DYNC1I1: variants seen among roughly 807,000 people sequenced by gnomAD.
The protein encoded by DYNC1I1 is dynein cytoplasmic 1 intermediate chain 1.
DYNC1I1 carries 43 observed loss-of-function variants against 86.6 expected under a neutral mutation model. The observed-to-expected ratio is 0.50, with a 90% confidence interval of 0.39 to 0.64. The LOEUF (loss-of-function observed/expected upper bound fraction) is 0.64. Ranked by LOEUF, DYNC1I1 falls within the 30% of genes least tolerant of loss-of-function variation. The pLI is 0.00. For missense variants in DYNC1I1, 604 were observed against 788.8 expected (o/e 0.77, Z 2.81); for synonymous variants, 262 against 283.7 (o/e 0.92, Z 0.77).
At chr7:96,105,749 T>G (rs543841788) in intron 16 of DYNC1I1, among the ~76,000 whole-genome samples, 2 of 152,338 alleles carry the variant, frequency 1.3e-5, no homozygotes, top group African/African-American at 4.8e-5. Flanking sequence ...TGATAGAATT[T>G]ACTACTGAAG....
chr7:95,947,606 C>T (rs1301354107), intron 6 of DYNC1I1, among the ~76,000 whole-genome samples: 1 of 152,080 alleles, frequency 6.6e-6, no homozygotes, highest in Non-Finnish European at 1.5e-5. Context: ...CTCACTCCAC[C>T]CATGGGAAAT....
At chr7:95,986,866 T>A (rs1178662393) in intron 8 of DYNC1I1, among the ~76,000 whole-genome samples, 190 bp from the exon 9 acceptor site, 1 of 151,962 alleles carries the variant, frequency 6.6e-6, no homozygotes, top group East Asian at 1.9e-4. Flanking sequence ...CCTTGCCAGG[T>A]CAGGTTAGAA....
intron 6 of DYNC1I1, among the ~76,000 whole-genome samples, chr7:95,894,471 T>C (rs1269316337): frequency 6.6e-6 from 1 of 151,524 alleles, no homozygotes; most frequent in African/African-American, 2.4e-5. Context: ...GGGGGGGACA[T>C]AAACATTTAG....
chr7:95,825,321 A>C (rs1795181661), intron 4 of DYNC1I1, among the ~76,000 whole-genome samples: 1 of 152,202 alleles, frequency 6.6e-6, no homozygotes, highest in Non-Finnish European at 1.5e-5. Flanking sequence ...TGCTGGGAGA[A>C]GTGGAAAAGG....
At chr7:95,804,516 C>A in intron 1 of DYNC1I1, 2 of 856,266 alleles carry the variant, frequency 2.3e-6, no homozygotes, top group Non-Finnish European at 3.3e-6. Context: ...GTATATATAC[C>A]TAAAAGGGAA....
chr7:96,039,010 G>A (rs888249274), intron 13 of DYNC1I1, among the ~76,000 whole-genome samples: 1 of 152,084 alleles, frequency 6.6e-6, no homozygotes, highest in Non-Finnish European at 1.5e-5. Context: ...TCTGCAAAAA[G>A]AATTAAATAA....
chr7:95,899,589 A>C (rs1790980316), intron 6 of DYNC1I1, among the ~76,000 whole-genome samples: 1 of 152,196 alleles, frequency 6.6e-6, no homozygotes, highest in African/African-American at 2.4e-5. Flanking sequence ...ACTCCTTGAA[A>C]AATGGAGATG....
chr7:95,778,392 T>C (rs927520375), intron 1 of DYNC1I1, among the ~76,000 whole-genome samples: 1 of 152,216 alleles, frequency 6.6e-6, no homozygotes, highest in African/African-American at 2.4e-5. Context: ...AAATGCCAGT[T>C]TGAAGATTGC....
intron 5 of DYNC1I1, among the ~76,000 whole-genome samples, chr7:95,834,938 A>G (rs1252690111): frequency 2.6e-4 from 39 of 151,030 alleles, no homozygotes; most frequent in African/African-American, 8.8e-4. Context: ...GGATTCATTA[A>G]TTTTTTGAAG....
intron 1 of DYNC1I1, among the ~76,000 whole-genome samples, chr7:95,784,209 G>T (rs1229560106): frequency 6.6e-6 from 1 of 152,044 alleles, no homozygotes; most frequent in Non-Finnish European, 1.5e-5. Flanking sequence ...GATAGATCTG[G>T]TAATTCAGGT....
chr7:95,934,859 A>G (rs1584174866), intron 6 of DYNC1I1, among the ~76,000 whole-genome samples: 1 of 152,194 alleles, frequency 6.6e-6, no homozygotes, highest in East Asian at 1.9e-4. Context: ...CTACAAAGTA[A>G]AAGGAAATGA....
intron 6 of DYNC1I1, among the ~76,000 whole-genome samples, chr7:95,933,606 A>G (rs188298070): frequency 2.1e-3 from 327 of 152,298 alleles, no homozygotes; most frequent in Admixed American, 3.7e-3. Flanking sequence ...TCATGAAGAA[A>G]TGGCTTTTAA....
chr7:95,916,283 C>T (rs181401024), intron 6 of DYNC1I1, among the ~76,000 whole-genome samples: 2 of 152,190 alleles, frequency 1.3e-5, no homozygotes, highest in Admixed American at 1.3e-4. Context: ...CTTTATTTTC[C>T]ATTGCCAATA....
At chr7:95,940,993 T>G (rs1304497342) in intron 6 of DYNC1I1, among the ~76,000 whole-genome samples, 2 of 152,236 alleles carry the variant, frequency 1.3e-5, no homozygotes, top group South Asian at 2.1e-4. Context: ...ATGTCCTTTC[T>G]GTTTGTTAGT....
chr7:95,877,419 G>C (rs1251626701), intron 6 of DYNC1I1, among the ~76,000 whole-genome samples: 1 of 152,124 alleles, frequency 6.6e-6, no homozygotes, highest in African/African-American at 2.4e-5. Context: ...CTCCCACACA[G>C]CCAGCTGCTA....
chr7:95,971,820 C>T (rs1372346615), intron 6 of DYNC1I1, among the ~76,000 whole-genome samples: 1 of 152,126 alleles, frequency 6.6e-6, no homozygotes, highest in Non-Finnish European at 1.5e-5. Flanking sequence ...GTGCCTTCTG[C>T]TATGGGCAGC....
intron 9 of DYNC1I1, among the ~76,000 whole-genome samples, chr7:95,993,055 T>G (rs961403147): frequency 3.9e-5 from 6 of 152,240 alleles, no homozygotes; most frequent in Admixed American, 3.3e-4. Flanking sequence ...TTCATAATTC[T>G]TTATATTCTC....
intron 6 of DYNC1I1, among the ~76,000 whole-genome samples, chr7:95,912,261 T>C (rs1791356811): frequency 6.6e-6 from 1 of 152,160 alleles, no homozygotes; most frequent in South Asian, 2.1e-4. Flanking sequence ...GGTCTCAAAA[T>C]CCTGACCTCA....
At chr7:96,082,902 T>C (rs901330904) in intron 16 of DYNC1I1, among the ~76,000 whole-genome samples, 3 of 151,774 alleles carry the variant, frequency 2.0e-5, no homozygotes, top group Non-Finnish European at 3.0e-5. Context: ...TACTGGCAGG[T>C]CAGGCTGGTT....
Sources: gnomAD v4.1 joint callset for allele counts (sites outside exome capture counted in the v4.1 genomes callset) on GRCh38, gnomAD v4.1.1 for gene constraint, MANE v1.5 for transcripts, NCBI Gene and HGNC (gene_info 2026-07-23, HGNC 2026-07-21) for gene names.